RASGRF1: variants seen among roughly 807,000 people sequenced by gnomAD.
RASGRF1 encodes Ras protein specific guanine nucleotide releasing factor 1, also known as ras-specific guanine nucleotide-releasing factor 1.
A neutral mutation model predicts 138.7 loss-of-function variants in RASGRF1; 40 were observed. The ratio of observed to expected loss-of-function variants is 0.29; its 90% CI spans 0.22 to 0.38. The LOEUF is 0.38. Among genes scored for constraint, RASGRF1 ranks in the 10% least tolerant of loss-of-function variants. The pLI is 1.00. For synonymous variants in RASGRF1, 614 were observed against 663.2 expected, an observed-to-expected ratio of 0.93 and a Z score of 1.14; for missense variants, 1,108 against 1,650.4, an observed-to-expected ratio of 0.67 and a Z score of 5.69.
At chr15:79,004,865 G>C in intron 14 of RASGRF1, 1 of 983,594 alleles carries the variant, frequency 1.0e-6, no homozygotes, top group South Asian at 4.7e-5. Context: ...TGTTGCCCCA[G>C]GACGTAGGCA....
rs1462345457 is a variant in RASGRF1 at position 78,960,706 on chromosome 15, A to C, written c.*1438T>G. On this transcript the variant is annotated 3_prime_UTR_variant, in exon 27 of 27. Coordinates refer to ENST00000558480, the MANE Select transcript of RASGRF1 (RefSeq NM_001145648.3). Reference sequence around the variant, plus strand: ...TGTGAAAGGTAACAAAAATGGTTTTAAGCCATTATGTTTTGGAGTGGCTTG... The same window carrying C: ...TGTGAAAGGTAACAAAAATGGTTTTCAGCCATTATGTTTTGGAGTGGCTTG... The C allele has an allele frequency of 1.3e-5, 2 of 151,872 alleles. No homozygotes were observed. The highest frequency in any genetic ancestry group is 3.9e-4 in the East Asian group (2 of 5,172). The allele number at this position is 151,872 out of a possible 1,614,324, so 9.4% of individuals were successfully genotyped here.
chr15:79,068,862 G>A (rs2057716447), intron 1 of RASGRF1, among the ~76,000 whole-genome samples: 1 of 152,072 alleles, frequency 6.6e-6, no homozygotes, highest in Admixed American at 6.5e-5. Context: ...ACTGTGTCCT[G>A]GGGTCAGCCT....
intron 19 of RASGRF1, among the ~76,000 whole-genome samples, chr15:78,996,091 G>C (rs1006307007): frequency 6.6e-6 from 1 of 152,220 alleles, no homozygotes; most frequent in African/African-American, 2.4e-5. Context: ...GGGAGGGACG[G>C]TGTCTGATTC....
In RASGRF1 at chr15:79,090,661, C is replaced by T. The variant is rs1470175962; in HGVS notation, c.-163G>A. ...TACACTCCAGGATCTGGCGCCGAGC[C>T]GCGGCTTCTTGAATCCAGATATACC... On this transcript the variant is annotated 5_prime_UTR_variant, in exon 1 of 27. Coordinates refer to ENST00000558480, the MANE Select transcript of RASGRF1 (RefSeq NM_001145648.3). 8.0e-6 allele frequency: 8 copies of T among 997,982 alleles called. No homozygotes were observed. Among genetic ancestry groups the T allele is most frequent in the Non-Finnish European group, 1.0e-5 (7 of 695,394 alleles). The allele number at this position is 997,982 out of a possible 1,614,324, so 61.8% of individuals were successfully genotyped here.
In RASGRF1 at chr15:78,999,905, G is replaced by A. The variant is rs2056482300; in HGVS notation, c.2584C>T (p.Leu862Phe). 9 of 1,613,958 alleles carry A rather than the reference G, an allele frequency of 5.6e-6. No homozygotes were observed. The highest frequency in any genetic ancestry group is 5.3e-5 in the African/African-American group (4 of 74,926). Residue 862 changes from leucine to phenylalanine, a missense_variant, in exon 17 of 27, where the codon CTC becomes TTC. Around this residue, in one of 3 missense-constraint regions of RASGRF1, gnomAD observed 686 missense variants for 976.7 expected, o/e 0.70. Coordinates refer to ENST00000558480, the MANE Select transcript of RASGRF1 (RefSeq NM_001145648.3). ...VKNKNSSEFP[L>F]FSYNNGVVMT... ...ACGACTCCATTGTTATAGGAAAAGA[G>A]TGGGAACTCTGCAGAGAGGAGGGAA...
intron 1 of RASGRF1, among the ~76,000 whole-genome samples, chr15:79,072,292 T>C (rs1370904111): frequency 7.2e-6 from 1 of 138,710 alleles, no homozygotes; most frequent in Non-Finnish European, 1.5e-5. Flanking sequence ...TTTTTTTTTT[T>C]TGAGACGCAG....
chr15:78,991,911 G>T (rs2056277142), intron 20 of RASGRF1, 117 bp from the exon 21 acceptor site: 1 of 719,868 alleles, frequency 1.4e-6, no homozygotes, highest in African/African-American at 1.7e-5. Flanking sequence ...GGGTGGACGG[G>T]GTATGACGCT....
At chr15:79,059,276 A>T (rs888968471) in intron 2 of RASGRF1, among the ~76,000 whole-genome samples, 46 of 25,692 alleles carry the variant, frequency 1.8e-3, no homozygotes, top group Admixed American at 2.9e-3. Context: ...TCCCTTCCCT[A>T]TCCTTCCCTT....
At chr15:79,013,682 G>C (rs2056834053) in intron 13 of RASGRF1, among the ~76,000 whole-genome samples, 1 of 152,186 alleles carries the variant, frequency 6.6e-6, no homozygotes, top group Non-Finnish European at 1.5e-5. Flanking sequence ...TGGGAATGGA[G>C]GCCAGAGAGC....
chr15:78,984,708 A>C, intron 23 of RASGRF1: 6 of 407,216 alleles, frequency 1.5e-5, no homozygotes, highest in Non-Finnish European at 2.3e-5. Flanking sequence ...TAAAGCCACC[A>C]CTCTTGCCCC....
At position 79,046,652 on chromosome 15, in the gene RASGRF1, G is replaced by T; in HGVS notation, c.878+94C>A. ...TCCTCTCTGGGCCTCATCTGCACTC[G>T]GTGGGAACCACGTGAGAGAGTGTGT... is the stretch of plus-strand genomic sequence containing the variant. On this transcript the variant is annotated intron_variant, in intron 5 of 26. Coordinates refer to ENST00000558480, the MANE Select transcript of RASGRF1 (RefSeq NM_001145648.3). This position sits in a 1 kb window ranked among gnomAD's most constrained non-coding sequence, Gnocchi z 5.3. 1 of 1,557,942 alleles carries T rather than the reference G, an allele frequency of 6.4e-7. No homozygotes were observed. The highest frequency in any genetic ancestry group is 8.7e-7 in the Non-Finnish European group (1 of 1,143,686).
At chr15:78,995,064 A>T (rs918960965) in intron 20 of RASGRF1, among the ~76,000 whole-genome samples, 14 of 151,764 alleles carry the variant, frequency 9.2e-5, no homozygotes, top group Admixed American at 7.2e-4. Context: ...AGTAGCTGGG[A>T]TCACAGGCAT....
At chr15:78,970,807 C>G (rs28635144) in intron 26 of RASGRF1, among the ~76,000 whole-genome samples, 1 of 139,652 alleles carries the variant, frequency 7.2e-6, no homozygotes, top group African/African-American at 2.6e-5. Context: ...ATTTTTTTTT[C>G]TTTTTGGCTA....
At chr15:79,030,691 C>T (rs1340605047) in intron 8 of RASGRF1, among the ~76,000 whole-genome samples, 5 of 152,212 alleles carry the variant, frequency 3.3e-5, no homozygotes, top group African/African-American at 1.2e-4. Flanking sequence ...ATCCTGGAAT[C>T]ACCCTTGACT....
At chr15:79,007,184 C>T (rs930561051) in intron 13 of RASGRF1, among the ~76,000 whole-genome samples, 6 of 152,192 alleles carry the variant, frequency 3.9e-5, no homozygotes, top group African/African-American at 1.2e-4. Context: ...TTAGCCAGAA[C>T]AAAGGGGCTA....
chr15:79,031,149 G>A (rs1376748976), intron 8 of RASGRF1, among the ~76,000 whole-genome samples: 1 of 152,194 alleles, frequency 6.6e-6, no homozygotes, highest in Admixed American at 6.5e-5. Flanking sequence ...TGAGTGCCCA[G>A]GGCCCTCCCT....
At chr15:79,030,862 T>C (rs994259002) in intron 8 of RASGRF1, among the ~76,000 whole-genome samples, 1 of 152,236 alleles carries the variant, frequency 6.6e-6, no homozygotes, top group Non-Finnish European at 1.5e-5. Context: ...CTCCCCTGTG[T>C]CTGCCCTTGC....
chr15:78,984,759 T>C (rs185025096), intron 23 of RASGRF1: 67 of 538,126 alleles, frequency 1.2e-4, no homozygotes, highest in Non-Finnish European at 2.1e-4. Context: ...ATCACCATCA[T>C]ATTCTTTCCA....
At chr15:79,030,848 C>T (rs778951788) in intron 8 of RASGRF1, among the ~76,000 whole-genome samples, 2 of 152,254 alleles carry the variant, frequency 1.3e-5, no homozygotes, top group South Asian at 2.1e-4. Context: ...GAGCCCCCTC[C>T]GTGCTCCCCT....
Sources: gnomAD v4.1 joint callset for allele counts (sites outside exome capture counted in the v4.1 genomes callset) on GRCh38, gnomAD v4.1.1 for gene constraint, gnomAD v4.1.1 regional missense constraint, Gnocchi (gnomAD v3.1) non-coding constraint, MANE v1.5 for transcripts, NCBI Gene and HGNC (gene_info 2026-07-23, HGNC 2026-07-21) for gene names.